SORCS1: variants seen among roughly 807,000 people sequenced by gnomAD.
The protein encoded by SORCS1 is sortilin related VPS10 domain containing receptor 1, also known as VPS10 domain-containing receptor SorCS1.
Under a neutral mutation model 146.1 loss-of-function variants are expected in SORCS1, and 60 were observed. That is an observed-to-expected ratio of 0.41 (90% confidence interval 0.33 to 0.51). The LOEUF (loss-of-function observed/expected upper bound fraction) is 0.51. SORCS1 is among the 20% of genes least tolerant of loss of function. The probability of loss-of-function intolerance (pLI) is 0.21; values close to 1 mark genes in which losing one functional copy is unlikely to be tolerated. For missense variants in SORCS1, 1,352 were observed against 1,487.6 expected, an observed-to-expected ratio of 0.91 and a Z score of 1.50; for synonymous variants, 637 against 584.0, an observed-to-expected ratio of 1.09 and a Z score of -1.31.
chr10:107,001,872 A>T (rs2139624702), intron 1 of SORCS1, among the ~76,000 whole-genome samples: 1 of 152,358 alleles, frequency 6.6e-6, no homozygotes, highest in Non-Finnish European at 1.5e-5. Flanking sequence ...CTCTAAAAGG[A>T]TTCACACCAA....
intron 3 of SORCS1, among the ~76,000 whole-genome samples, chr10:106,780,613 G>C (rs1028841934): frequency 1.3e-5 from 2 of 152,182 alleles, no homozygotes; most frequent in Admixed American, 6.5e-5. Context: ...CAGGCCAGGG[G>C]CCCCTGCAAC....
chr10:106,628,872 A>G (rs1029216392), intron 19 of SORCS1, among the ~76,000 whole-genome samples: 2 of 152,206 alleles, frequency 1.3e-5, no homozygotes, highest in South Asian at 4.1e-4. Context: ...ACCCCAGCAA[A>G]ACCAAATTTC....
chr10:106,650,088 CTT>C (rs1490668020), intron 18 of SORCS1, among the ~76,000 whole-genome samples: 1 of 152,150 alleles, frequency 6.6e-6, no homozygotes, highest in African/African-American at 2.4e-5. Context: ...TTTCCCCCCT[CTT>C]GGTCCTATAT....
chr10:106,915,471 C>G (rs936115023), intron 2 of SORCS1, among the ~76,000 whole-genome samples: 1 of 152,240 alleles, frequency 6.6e-6, no homozygotes, highest in Non-Finnish European at 1.5e-5. Context: ...TCCTTCCCCT[C>G]CTCATCCCAC....
chr10:106,834,768 T>C (rs915246439), intron 2 of SORCS1, among the ~76,000 whole-genome samples: 1 of 152,208 alleles, frequency 6.6e-6, no homozygotes, highest in African/African-American at 2.4e-5. Context: ...AATTCTTCAC[T>C]TGTACCATTT....
intron 5 of SORCS1, among the ~76,000 whole-genome samples, chr10:106,732,742 G>A (rs3903709): frequency 0.43 from 65,973 of 151,868 alleles, 14,403 homozygotes; most frequent in African/African-American, 0.47. Flanking sequence ...ATAAATAATA[G>A]CAGTAGTTTT....
intron 3 of SORCS1, among the ~76,000 whole-genome samples, chr10:106,819,332 T>C (rs1371079406): frequency 4.6e-5 from 7 of 152,238 alleles, no homozygotes. Context: ...AATTATTATG[T>C]AGCTTAGCTG....
intron 2 of SORCS1, among the ~76,000 whole-genome samples, chr10:106,912,813 G>A (rs1952229315): frequency 6.6e-6 from 1 of 151,954 alleles, no homozygotes; most frequent in African/African-American, 2.4e-5. Context: ...TGAGTAGCTG[G>A]GACTACAGGC....
chr10:106,935,048 A>G (rs1431496715), intron 2 of SORCS1, among the ~76,000 whole-genome samples: 10 of 152,184 alleles, frequency 6.6e-5, no homozygotes, highest in Non-Finnish European at 1.3e-4. Flanking sequence ...AACCACGAGT[A>G]CCCCAAAAAC....
chr10:106,852,615 G>C (rs141448329), intron 2 of SORCS1, among the ~76,000 whole-genome samples: 1 of 133,298 alleles, frequency 7.5e-6, no homozygotes, highest in Non-Finnish European at 1.6e-5. Flanking sequence ...GTGACAGAGC[G>C]AGACCCTGTC....
At chr10:107,129,918 TTGA>T (rs558692846) in intron 1 of SORCS1, among the ~76,000 whole-genome samples, 63 of 152,346 alleles carry the variant, frequency 4.1e-4, no homozygotes, top group Admixed American at 1.2e-3. Context: ...TCTGTGCTTG[TTGA>T]TGTATGTTTA....
intron 1 of SORCS1, among the ~76,000 whole-genome samples, chr10:106,988,148 G>A (rs1956569548): frequency 6.6e-6 from 1 of 152,200 alleles, no homozygotes; most frequent in South Asian, 2.1e-4. Flanking sequence ...GGGAAAGGCA[G>A]ACGTTGATCG....
Position 106,575,522 on chromosome 10 carries a change from T to C in SORCS1, c.*1898A>G, listed in dbSNP as rs568605209. The stretch of plus-strand genomic sequence containing the variant: ...GTGGGCTTTGCCCAGTCCATAATAC[T>C]AAAGGGGCCTCTGCTGAACAGGCTT... On this transcript the variant is annotated 3_prime_UTR_variant, in exon 26 of 26. Transcript: ENST00000263054. The C allele has an allele frequency of 3.9e-5, 6 of 152,344 alleles. No homozygotes were observed. The highest frequency in any genetic ancestry group is 1.4e-4 in the African/African-American group (6 of 41,578). 9.4% of individuals were successfully genotyped at this position (152,344 alleles called of 1,614,324 possible).
chr10:106,836,474 CAAA>C (rs68181690), intron 2 of SORCS1, among the ~76,000 whole-genome samples: 2 of 77,796 alleles, frequency 2.6e-5, no homozygotes, highest in African/African-American at 1.1e-4. Flanking sequence ...GACTCGGTCT[CAAA>C]AAAAAAAAAA....
At chr10:106,579,518 G>T (rs778445165) in intron 24 of SORCS1, 44 bp from the exon 25 acceptor site, 3 of 1,597,960 alleles carry the variant, frequency 1.9e-6, no homozygotes, top group African/African-American at 1.3e-5. Context: ...AGAGAACTGG[G>T]CAGGTGAGAC....
At chr10:106,919,761 G>A (rs1952617362) in intron 2 of SORCS1, among the ~76,000 whole-genome samples, 1 of 152,196 alleles carries the variant, frequency 6.6e-6, no homozygotes. Flanking sequence ...TAGATTGGGA[G>A]CAACAGAATA....
chr10:106,821,929 TAA>T (rs879535333), intron 3 of SORCS1, among the ~76,000 whole-genome samples: 1 of 99,890 alleles, frequency 1.0e-5, no homozygotes, highest in Non-Finnish European at 2.2e-5. Flanking sequence ...CTCAAAAAAA[TAA>T]AAAAAAAAAA....
At chr10:106,734,449 GT>G (rs1856812361) in intron 5 of SORCS1, among the ~76,000 whole-genome samples, 1 of 152,170 alleles carries the variant, frequency 6.6e-6, no homozygotes, top group African/African-American at 2.4e-5. Flanking sequence ...ATTAGGCCAT[GT>G]TATAATTGGT....
At chr10:106,715,047 T>C (rs1564889721) in intron 6 of SORCS1, among the ~76,000 whole-genome samples, 1 of 152,208 alleles carries the variant, frequency 6.6e-6, no homozygotes, top group East Asian at 1.9e-4. Context: ...AAAGTGTTCC[T>C]GGTTTGTTCC....
Sources: gnomAD v4.1 joint callset for allele counts (sites outside exome capture counted in the v4.1 genomes callset) on GRCh38, gnomAD v4.1.1 for gene constraint, MANE v1.5 for transcripts, NCBI Gene and HGNC (gene_info 2026-07-23, HGNC 2026-07-21) for gene names.